KMT2E: variants seen among roughly 807,000 people sequenced by gnomAD.
KMT2E encodes the protein lysine methyltransferase 2E (inactive), also known as histone reader KMT2E.
A neutral mutation model predicts 184.6 loss-of-function variants in KMT2E; 30 were observed. That is an observed-to-expected ratio of 0.16 (90% CI 0.12 to 0.22). KMT2E has a LOEUF of 0.22. Ranked by LOEUF, KMT2E falls within the 10% of genes least tolerant of loss-of-function variation. The probability of loss-of-function intolerance (pLI) is 1.00; values close to 1 mark genes in which losing one functional copy is unlikely to be tolerated. For missense variants in KMT2E, 2,023 were observed against 2,237.4 expected, an observed-to-expected ratio of 0.90 and a Z score of 1.93; for synonymous variants, 815 against 776.5, an observed-to-expected ratio of 1.05 and a Z score of -0.82.
chr7:105,084,911 A>AT (rs1404532450), intron 13 of KMT2E, among the ~76,000 whole-genome samples: 1 of 152,174 alleles, frequency 6.6e-6, no homozygotes, highest in Non-Finnish European at 1.5e-5. Flanking sequence ...GAATGGCACC[A>AT]TGTAAGGTCT....
At chr7:105,088,232 G>A (rs1798064822) in intron 13 of KMT2E, among the ~76,000 whole-genome samples, 1 of 152,160 alleles carries the variant, frequency 6.6e-6, no homozygotes, top group East Asian at 1.9e-4. Flanking sequence ...TCACGTATAT[G>A]AGAAGAAGAA....
intron 22 of KMT2E, 23 bp downstream of exon 22, chr7:105,107,948 G>A (rs961357622): frequency 4.8e-6 from 7 of 1,469,454 alleles, no homozygotes; most frequent in Admixed American, 4.5e-5. Flanking sequence ...ACAATTTATA[G>A]TCCTTTTAAT....
intron 22 of KMT2E, chr7:105,108,734 A>C: frequency 1.8e-6 from 1 of 544,196 alleles, no homozygotes; most frequent in South Asian, 2.1e-5. Flanking sequence ...TGTTGTGAGG[A>C]TAAATGAGAT....
At chr7:105,076,435 G>C (rs1433003576) in intron 9 of KMT2E, among the ~76,000 whole-genome samples, 1 of 152,208 alleles carries the variant, frequency 6.6e-6, no homozygotes, top group African/African-American at 2.4e-5. Flanking sequence ...TTGCACTTTT[G>C]CATAGTTGGG....
chr7:105,026,332 A>G (rs780717206), intron 1 of KMT2E, among the ~76,000 whole-genome samples: 16 of 152,160 alleles, frequency 1.1e-4, no homozygotes, highest in Admixed American at 1.0e-3. Flanking sequence ...AGAGATTTCA[A>G]GTGGTTCTGG....
chr7:105,087,306 A>T (rs917243758), intron 13 of KMT2E, among the ~76,000 whole-genome samples: 1 of 118,122 alleles, frequency 8.5e-6, no homozygotes, highest in East Asian at 3.5e-4. Flanking sequence ...ATAATATATA[A>T]ATATAAATAT....
chr7:105,096,914 AG>A (rs948405522), intron 15 of KMT2E, among the ~76,000 whole-genome samples: 1 of 152,232 alleles, frequency 6.6e-6, no homozygotes, highest in African/African-American at 2.4e-5. Flanking sequence ...AGCCGTGACC[AG>A]TTTACTGTGA....
In KMT2E at chr7:105,112,519, A is replaced by G; in HGVS notation, c.4763A>G (p.Gln1588Arg). Residue 1588 changes from glutamine (Q) to arginine (R), a missense_variant, in exon 27 of 27, where the codon CAA becomes CGA. This residue lies in a region of KMT2E where 1,108 missense variants were observed against 1,050.9 expected (regional missense o/e 1.05). Transcript: ENST00000311117. ...QQTVFTSGPN[Q>R]ALPGTTSQQT... ...ACTGTGTTTACATCAGGACCAAATC[A>G]AGCACTTCCTGGCACCACAAGCCAG... is the stretch of plus-strand genomic sequence containing the variant. The G allele has an allele frequency of 6.2e-7, 1 of 1,613,982 alleles. No homozygotes were observed. Among genetic ancestry groups the G allele is most frequent in the Non-Finnish European group, 8.5e-7 (1 of 1,179,992 alleles).
chr7:105,078,345 A>G (rs1584767411), intron 11 of KMT2E, among the ~76,000 whole-genome samples: 4 of 152,222 alleles, frequency 2.6e-5, no homozygotes, highest in South Asian at 4.1e-4. Flanking sequence ...TCTCATTAGC[A>G]TAAACTAGCA....
chr7:105,064,993 T>C (rs1796972223), intron 5 of KMT2E, among the ~76,000 whole-genome samples: 1 of 152,206 alleles, frequency 6.6e-6, no homozygotes, highest in Admixed American at 6.5e-5. Context: ...TATTAGAGAA[T>C]AGTAAAATTG....
At position 105,084,622 on chromosome 7, in the gene KMT2E, G is replaced by A. The variant is rs1479499746; in HGVS notation, c.1358+2825G>A. On this transcript the variant is annotated intron_variant, in intron 13 of 26. Transcript: ENST00000311117. ...AGCCTGAGTGACAGAGCAAGACTCT[G>A]TCTCAAGAAAAAAAAAAAAATTACT... Among the ~76,000 whole-genome samples, 3 of 139,364 alleles carry A rather than the reference G, an allele frequency of 2.2e-5. No homozygotes were observed. The East Asian group carries it at 6.2e-4, about 29-fold the overall frequency. 91.4% of individuals were successfully genotyped at this position (139,364 alleles called of 152,430 possible).
At chr7:105,092,566 G>A (rs995145598) in intron 15 of KMT2E, among the ~76,000 whole-genome samples, 4 of 152,170 alleles carry the variant, frequency 2.6e-5, no homozygotes, top group African/African-American at 9.7e-5. Flanking sequence ...GTTGAGACAA[G>A]GTAGTATTAG....
intron 3 of KMT2E, among the ~76,000 whole-genome samples, chr7:105,041,660 A>T (rs1283239218): frequency 6.6e-6 from 1 of 152,230 alleles, no homozygotes; most frequent in South Asian, 2.1e-4. Flanking sequence ...CGGACTCCCA[A>T]AGTGTTGGGA....
intron 15 of KMT2E, among the ~76,000 whole-genome samples, chr7:105,095,581 CTTTTGGAT>C (rs540739219): frequency 6.6e-6 from 1 of 152,254 alleles, no homozygotes; most frequent in Admixed American, 6.5e-5. Context: ...CCCTTTTGGC[CTTTTGGAT>C]TTTTCTTTTA....
chr7:105,096,045 A>C (rs1336949967), intron 15 of KMT2E, among the ~76,000 whole-genome samples: 7 of 152,160 alleles, frequency 4.6e-5, no homozygotes, highest in Non-Finnish European at 1.0e-4. Context: ...ACTTGAGTCC[A>C]CGAGTTCGAG....
chr7:105,043,116 A>G (rs1346559930), intron 3 of KMT2E, among the ~76,000 whole-genome samples: 1 of 152,202 alleles, frequency 6.6e-6, no homozygotes, highest in Non-Finnish European at 1.5e-5. Flanking sequence ...TTTCTGAGGA[A>G]TTAGAGCTTA....
At position 105,113,429 on chromosome 7, in the gene KMT2E, C is replaced by T. The variant is rs1284750443; in HGVS notation, c.*96C>T. The T allele has an allele frequency of 7.6e-7, 1 of 1,320,962 alleles. No individual in the cohort carries two copies. The highest frequency in any genetic ancestry group is 1.0e-6 in the Non-Finnish European group (1 of 992,486). 81.8% of individuals were successfully genotyped at this position (1,320,962 alleles called of 1,614,324 possible). A position where few individuals can be genotyped will look rare whatever the true frequency, so the allele number is the denominator to read the frequency against. On this transcript the variant is annotated 3_prime_UTR_variant, in exon 27 of 27. Coordinates refer to ENST00000311117, the MANE Select transcript of KMT2E (RefSeq NM_182931.3). ...GTACTTTTTAAAGCTTGTACATGAA[C>T]CTTTGTATAAAAAACACCAGTGCTC...
chr7:105,103,236 C>T (rs866065441), intron 17 of KMT2E: 3 of 152,118 alleles, frequency 2.0e-5, no homozygotes, highest in South Asian at 2.1e-4. Flanking sequence ...AGTTGTGGTA[C>T]GATAAATTTA....
chr7:105,016,222 C>T (rs1584677904), intron 1 of KMT2E, among the ~76,000 whole-genome samples: 2 of 152,182 alleles, frequency 1.3e-5, no homozygotes, highest in East Asian at 1.9e-4. Flanking sequence ...AAACCTGTTA[C>T]TTCATTGGGT....
Sources: allele counts gnomAD v4.1 joint callset (sites outside exome capture counted in the v4.1 genomes callset), GRCh38; gene constraint gnomAD v4.1.1; regional missense constraint gnomAD v4.1.1; transcripts MANE v1.5; gene names NCBI Gene and HGNC (gene_info 2026-07-23, HGNC 2026-07-21).